IGSF21: variants seen among roughly 807,000 people sequenced by gnomAD.
IGSF21 encodes the protein immunoglobin superfamily member 21.
A neutral mutation model predicts 46.8 loss-of-function variants in IGSF21; 28 were observed. The observed-to-expected ratio is 0.60, with a 90% CI of 0.44 to 0.82. The LOEUF (loss-of-function observed/expected upper bound fraction) is 0.82. Among genes scored for constraint, IGSF21 ranks in the 40% least tolerant of loss-of-function variants. The pLI is 0.00. For synonymous variants in IGSF21, 284 were observed against 273.6 expected (o/e 1.04, Z -0.38); for missense variants, 624 against 665.5 (o/e 0.94, Z 0.69).
chr1:18,142,922 T>A lies in IGSF21; in HGVS notation c.70+34724T>A, dbSNP rs147619400. On this transcript the variant is annotated intron_variant, in intron 1 of 9. Transcript: ENST00000251296. Reference sequence around the variant, plus strand: ...GCCTGGCAGCTGAAGGGTCCAATCATGACCTGAGTGTTTGGATGGGGAACC... The same window carrying A: ...GCCTGGCAGCTGAAGGGTCCAATCAAGACCTGAGTGTTTGGATGGGGAACC... Among the ~76,000 whole-genome samples the A allele has an allele frequency of 1.4e-4, 22 of 152,282 alleles. No individual in the cohort carries two copies. The East Asian group carries it at 3.9e-3, about 27-fold the overall frequency.
At chr1:18,309,741 G>A (rs1239031417) in intron 3 of IGSF21, among the ~76,000 whole-genome samples, 1 of 152,224 alleles carries the variant, frequency 6.6e-6, no homozygotes, top group Admixed American at 6.5e-5. Flanking sequence ...CAGTCAGCAG[G>A]GAGGTGCTGC....
At chr1:18,133,076 A>T (rs2086336905) in intron 1 of IGSF21, among the ~76,000 whole-genome samples, 1 of 152,236 alleles carries the variant, frequency 6.6e-6, no homozygotes, top group Non-Finnish European at 1.5e-5. Flanking sequence ...GAAAAGCATA[A>T]ATCAGTCCGG....
chr1:18,266,828 A>G (rs747567545), intron 2 of IGSF21, among the ~76,000 whole-genome samples: 3 of 152,260 alleles, frequency 2.0e-5, no homozygotes, highest in Non-Finnish European at 2.9e-5. Context: ...TCACAGCCAC[A>G]GTGTGCACCT....
intron 2 of IGSF21, among the ~76,000 whole-genome samples, chr1:18,288,451 G>A (rs770806499): frequency 2.4e-4 from 36 of 152,304 alleles, no homozygotes; most frequent in Admixed American, 5.9e-4. Context: ...GAATAAGGTC[G>A]TAATGGGCTG....
chr1:18,291,674 C>T (rs2085268516), intron 2 of IGSF21, among the ~76,000 whole-genome samples, 192 bp from the exon 3 acceptor site: 1 of 152,214 alleles, frequency 6.6e-6, no homozygotes, highest in African/African-American at 2.4e-5. Flanking sequence ...GCCAGGCTGG[C>T]TCCTACTCTT....
chr1:18,369,048 G>C (rs2124635674), intron 6 of IGSF21, among the ~76,000 whole-genome samples: 1 of 152,290 alleles, frequency 6.6e-6, no homozygotes, highest in Non-Finnish European at 1.5e-5. Context: ...CAGAGCAAGA[G>C]AAAGAAGGGC....
intron 2 of IGSF21, among the ~76,000 whole-genome samples, chr1:18,264,196 C>T (rs1441493433): frequency 1.3e-5 from 2 of 152,138 alleles, no homozygotes; most frequent in African/African-American, 4.8e-5. Flanking sequence ...GAGGGGATGG[C>T]CCTATTTCCC....
rs964495151 is a variant in IGSF21 at position 18,334,554 on chromosome 1, G to A, written c.306-338G>A. Reference sequence around the variant, plus strand: ...TACTGCATGCAGCGACATACTAAATGCCCATACCTCTTCACCTGTGCCATC... The same window carrying A: ...TACTGCATGCAGCGACATACTAAATACCCATACCTCTTCACCTGTGCCATC... On this transcript the variant is annotated intron_variant, in intron 3 of 9. Coordinates refer to ENST00000251296, the MANE Select transcript of IGSF21 (RefSeq NM_032880.5). The surrounding 1 kb of genome is among the most constrained non-coding windows in gnomAD (Gnocchi z 4.3). 1.3e-5 allele frequency among the ~76,000 whole-genome samples: 2 copies of A among 152,118 alleles called. No homozygotes were observed. The highest frequency in any genetic ancestry group is 2.4e-5 in the African/African-American group (1 of 41,408).
At chr1:18,321,462 C>T (rs1261494831) in intron 3 of IGSF21, among the ~76,000 whole-genome samples, 2 of 152,220 alleles carry the variant, frequency 1.3e-5, no homozygotes, top group Non-Finnish European at 2.9e-5. Context: ...TGTCTTCATC[C>T]ATTTGGAAAG....
chr1:18,155,800 G>T (rs191994796), intron 1 of IGSF21, among the ~76,000 whole-genome samples: 9 of 152,246 alleles, frequency 5.9e-5, no homozygotes, highest in African/African-American at 2.2e-4. Flanking sequence ...CCAGACAAAG[G>T]CTGGGCCTTC....
At chr1:18,251,491 G>T (rs1350862836) in intron 2 of IGSF21, among the ~76,000 whole-genome samples, 15 of 152,178 alleles carry the variant, frequency 9.9e-5, no homozygotes, top group African/African-American at 2.4e-5. Context: ...TTGTCTTGTA[G>T]TTCCATCCTC....
rs897380756 is a variant in IGSF21, at chr1:18,113,341, C to T, written c.70+5143C>T. On this transcript the variant is annotated intron_variant, in intron 1 of 9. Coordinates refer to ENST00000251296, the MANE Select transcript of IGSF21 (RefSeq NM_032880.5). The stretch of plus-strand genomic sequence containing the variant: ...GGGGGCTCATGTTCACTAAGACCCC[C>T]GGCTAAGATTCCATGGATGGAGCAA... 3.9e-5 allele frequency: 6 copies of T among 152,078 alleles called. No homozygotes were observed. The East Asian group carries it at 9.7e-4, about 25-fold the overall frequency. The allele number at this position is 152,078 out of a possible 1,614,324, so 9.4% of individuals were successfully genotyped here. A position where few individuals can be genotyped will look rare whatever the true frequency, so the allele number is the denominator to read the frequency against.
intron 4 of IGSF21, among the ~76,000 whole-genome samples, chr1:18,345,448 A>C (rs1038487151): frequency 6.6e-6 from 1 of 152,124 alleles, no homozygotes; most frequent in Non-Finnish European, 1.5e-5. Context: ...GCAGTGGTGC[A>C]GTCTTAGCTC....
chr1:18,256,044 G>A (rs896773325), intron 2 of IGSF21, among the ~76,000 whole-genome samples: 1 of 152,134 alleles, frequency 6.6e-6, no homozygotes, highest in Non-Finnish European at 1.5e-5. Context: ...ACAGAATCTG[G>A]CCTCTGCCCA....
intron 3 of IGSF21, among the ~76,000 whole-genome samples, chr1:18,293,344 G>A (rs2085285105): frequency 6.6e-6 from 1 of 152,170 alleles, no homozygotes; most frequent in Non-Finnish European, 1.5e-5. Flanking sequence ...GATTGTAAAG[G>A]GTAAGTCCAA....
intron 2 of IGSF21, among the ~76,000 whole-genome samples, chr1:18,261,898 C>T (rs1364334151): frequency 1.3e-5 from 2 of 152,208 alleles, no homozygotes; most frequent in East Asian, 3.9e-4. Flanking sequence ...TGGATGTGAA[C>T]CAGCAAAGGG....
At chr1:18,283,403 C>T (rs781450392) in intron 2 of IGSF21, among the ~76,000 whole-genome samples, 5 of 152,188 alleles carry the variant, frequency 3.3e-5, no homozygotes, top group African/African-American at 7.2e-5. Context: ...ATCCTCTTCC[C>T]CCAGGCCCCC....
At chr1:18,324,077 C>T (rs2085633195) in intron 3 of IGSF21, among the ~76,000 whole-genome samples, 1 of 152,116 alleles carries the variant, frequency 6.6e-6, no homozygotes, top group African/African-American at 2.4e-5. Context: ...GACCTTCCAT[C>T]TGTGCTGAGT....
intron 1 of IGSF21, chr1:18,112,807 A>G (rs947295764): frequency 6.6e-6 from 1 of 152,274 alleles, no homozygotes; most frequent in Non-Finnish European, 1.5e-5. Context: ...GCCATCACCA[A>G]GAGAATGAAT....
Sources: allele counts gnomAD v4.1 joint callset (sites outside exome capture counted in the v4.1 genomes callset), GRCh38; gene constraint gnomAD v4.1.1; non-coding constraint Gnocchi (gnomAD v3.1); transcripts MANE v1.5; gene names NCBI Gene and HGNC (gene_info 2026-07-23, HGNC 2026-07-21).